The following ADGRV1 variants were observed in gnomAD, a reference collection of about 807,000 sequenced individuals.
ADGRV1 encodes G-protein coupled receptor 98.
A neutral mutation model predicts 596.2 loss-of-function variants in ADGRV1; 359 were observed. That is an observed-to-expected ratio of 0.60 (90% confidence interval 0.55 to 0.66). The LOEUF (loss-of-function observed/expected upper bound fraction) is 0.66. Ranked by LOEUF, ADGRV1 falls within the 30% of genes least tolerant of loss-of-function variation. ADGRV1 has a pLI of 0.00. For synonymous variants in ADGRV1, 2,681 were observed against 2,679.2 expected (o/e 1.00, Z -0.02); for missense variants, 7,274 against 7,575.6 (o/e 0.96, Z 1.48).
chr5:90,741,088 C>G (rs1426183624), intron 50 of ADGRV1, among the ~76,000 whole-genome samples: 1 of 152,150 alleles, frequency 6.6e-6, no homozygotes, highest in Non-Finnish European at 1.5e-5. Context: ...CTATTTACCT[C>G]TCACTTTTTA....
At chr5:90,999,561 G>A (rs1781696266) in intron 85 of ADGRV1, among the ~76,000 whole-genome samples, 1 of 151,934 alleles carries the variant, frequency 6.6e-6, no homozygotes, top group African/African-American at 2.4e-5. Context: ...TAAAATTGCG[G>A]GTGGCAGAGT....
chr5:91,155,551 A>AT (rs1359957623), intron 89 of ADGRV1, among the ~76,000 whole-genome samples: 1 of 152,208 alleles, frequency 6.6e-6, no homozygotes, highest in African/African-American at 2.4e-5. Flanking sequence ...TATTTGGGCA[A>AT]TTGCAGAGAT....
intron 50 of ADGRV1, among the ~76,000 whole-genome samples, chr5:90,737,814 G>A (rs1192939428): frequency 1.3e-5 from 2 of 151,632 alleles, no homozygotes; most frequent in Non-Finnish European, 2.9e-5. Context: ...CTTTATATGT[G>A]TCGTTATTGG....
chr5:91,064,810 A>T (rs1283016656), intron 85 of ADGRV1, among the ~76,000 whole-genome samples: 1 of 152,184 alleles, frequency 6.6e-6, no homozygotes, highest in Non-Finnish European at 1.5e-5. Context: ...TTATTCCTTT[A>T]AAAAAATTAA....
intron 21 of ADGRV1, among the ~76,000 whole-genome samples, chr5:90,669,971 A>G (rs1159344557): frequency 2.0e-5 from 3 of 152,228 alleles, no homozygotes; most frequent in Non-Finnish European, 4.4e-5. Flanking sequence ...TGCTGTCGCA[A>G]CTGGTTTTCG....
chr5:91,010,488 G>C (rs759801465), intron 85 of ADGRV1, among the ~76,000 whole-genome samples: 1 of 152,014 alleles, frequency 6.6e-6, no homozygotes, highest in East Asian at 1.9e-4. Context: ...TTGAAATAGA[G>C]ATATCAAGTT....
chr5:91,053,325 T>A (rs1786521272), intron 85 of ADGRV1, among the ~76,000 whole-genome samples: 1 of 152,224 alleles, frequency 6.6e-6, no homozygotes, highest in Admixed American at 6.5e-5. Context: ...AGTCCTTGTA[T>A]CTTTGGACCC....
At chr5:90,767,330 T>C (rs551623456) in intron 59 of ADGRV1, among the ~76,000 whole-genome samples, 2 of 152,244 alleles carry the variant, frequency 1.3e-5, no homozygotes, top group Non-Finnish European at 2.9e-5. Flanking sequence ...TAAACAGCTT[T>C]CTTAAATTAA....
Position 90,810,808 on chromosome 5 carries a change from C to A in ADGRV1, c.15548C>A (p.Thr5183Asn). ...TNVVAIVTEATGVSAIPEKLV... is the reference protein window; with the variant it reads ...TNVVAIVTEANGVSAIPEKLV... The stretch of plus-strand genomic sequence containing the variant: ...GTGGTTGCCATTGTTACTGAGGCAA[C>A]TGGTGTATCTGCCATCCCTGAGAAA... Residue 5183 changes from threonine (T) to asparagine (N), a missense_variant, in exon 74 of 90, where the codon ACT becomes AAT. Physicochemically the swap from Thr to Asn is moderately conservative, Grantham distance 65 (BLOSUM62 0). Transcript: ENST00000405460. 1 of 1,614,028 alleles carries A rather than the reference C, an allele frequency of 6.2e-7. No individual in the cohort carries two copies. Among genetic ancestry groups the A allele is most frequent in the South Asian group, 1.1e-5 (1 of 91,080 alleles).
intron 83 of ADGRV1, among the ~76,000 whole-genome samples, chr5:90,889,179 A>G (rs779775101): frequency 2.6e-5 from 4 of 152,156 alleles, no homozygotes; most frequent in Admixed American, 6.6e-5. Context: ...TTTGTCCATT[A>G]AGTATTCTTG....
At chr5:90,995,170 G>A (rs1228522205) in intron 85 of ADGRV1, among the ~76,000 whole-genome samples, 10 of 152,144 alleles carry the variant, frequency 6.6e-5, no homozygotes, top group Admixed American at 6.5e-4. Flanking sequence ...GTTATCCACT[G>A]GCTCAGATAG....
chr5:90,642,119 AT>A (rs1336648073), intron 11 of ADGRV1, among the ~76,000 whole-genome samples: 1 of 152,088 alleles, frequency 6.6e-6, no homozygotes, highest in East Asian at 1.9e-4. Flanking sequence ...AATTGTGTTT[AT>A]TTTTTATCAG....
At chr5:91,054,519 G>A (rs551463118) in intron 85 of ADGRV1, among the ~76,000 whole-genome samples, 20 of 152,274 alleles carry the variant, frequency 1.3e-4, no homozygotes, top group African/African-American at 4.8e-4. Context: ...AGACCAGGTA[G>A]CATGTAAATA....
chr5:90,809,167 A>G (rs182910249), intron 73 of ADGRV1, among the ~76,000 whole-genome samples: 258 of 151,894 alleles, frequency 1.7e-3, no homozygotes, highest in African/African-American at 6.0e-3. Context: ...TGTGTTAGCC[A>G]GGATGGTCTC....
At chr5:90,585,253 A>G (rs1198851556) in intron 1 of ADGRV1, among the ~76,000 whole-genome samples, 1 of 152,214 alleles carries the variant, frequency 6.6e-6, no homozygotes, top group Admixed American at 6.5e-5. Context: ...GTAAAATCTG[A>G]GAGAGAATTT....
intron 83 of ADGRV1, among the ~76,000 whole-genome samples, chr5:90,923,569 T>A (rs1241099450): frequency 6.6e-6 from 1 of 152,108 alleles, no homozygotes; most frequent in Non-Finnish European, 1.5e-5. Context: ...AACAAAACAA[T>A]ACAGTCAGTG....
intron 86 of ADGRV1, among the ~76,000 whole-genome samples, chr5:91,082,187 C>T (rs1477940401): frequency 6.6e-6 from 1 of 152,212 alleles, no homozygotes; most frequent in East Asian, 1.9e-4. Flanking sequence ...CATATCACTG[C>T]CATGCCATAC....
At chr5:90,633,363 A>G (rs773892004) in intron 9 of ADGRV1, among the ~76,000 whole-genome samples, 32 of 147,706 alleles carry the variant, frequency 2.2e-4, no homozygotes, top group Non-Finnish European at 3.0e-4. Flanking sequence ...TATGACTTAT[A>G]TATTTCTTTC....
At chr5:91,095,766 G>A (rs1562212515) in intron 86 of ADGRV1, among the ~76,000 whole-genome samples, 1 of 151,960 alleles carries the variant, frequency 6.6e-6, no homozygotes, top group East Asian at 1.9e-4. Flanking sequence ...GTTGGAAATA[G>A]ATCCATTAAT....
Sources: gnomAD v4.1 joint callset for allele counts (sites outside exome capture counted in the v4.1 genomes callset) on GRCh38, gnomAD v4.1.1 for gene constraint, MANE v1.5 for transcripts, NCBI Gene and HGNC (gene_info 2026-07-23, HGNC 2026-07-21) for gene names.